TTC27: variants seen among roughly 807,000 people sequenced by gnomAD.
TTC27 encodes the protein tetratricopeptide repeat domain 27, also known as tetratricopeptide repeat protein 27.
A neutral mutation model predicts 115.9 loss-of-function variants in TTC27; 79 were observed. That is an observed-to-expected ratio of 0.68 (90% CI 0.57 to 0.82). The LOEUF is 0.82. TTC27 is among the 40% of genes least tolerant of loss of function. The pLI is 0.00. For missense variants in TTC27, 1,054 were observed against 993.1 expected (o/e 1.06, Z -0.82); for synonymous variants, 401 against 356.0 (o/e 1.13, Z -1.42).
intron 12 of TTC27, among the ~76,000 whole-genome samples, chr2:32,753,650 G>A (rs1669097646): frequency 6.6e-6 from 1 of 151,902 alleles, no homozygotes; most frequent in African/African-American, 2.4e-5. Flanking sequence ...TTTCACTATG[G>A]TGGCCAGGCT....
At chr2:32,657,594 C>T (rs1340595460) in intron 5 of TTC27, among the ~76,000 whole-genome samples, 1 of 152,026 alleles carries the variant, frequency 6.6e-6, no homozygotes, top group Non-Finnish European at 1.5e-5. Flanking sequence ...TTTCAGTTCA[C>T]GTAAAGACAA....
chr2:32,787,289 C>A, intron 16 of TTC27, 140 bp downstream of exon 16: 3 of 897,094 alleles, frequency 3.3e-6, no homozygotes, highest in Non-Finnish European at 4.9e-6. Context: ...TTTTTCTAGT[C>A]AAATATTCTT....
chr2:32,699,179 G>A (rs1377236604), intron 9 of TTC27, among the ~76,000 whole-genome samples: 1 of 152,174 alleles, frequency 6.6e-6, no homozygotes, highest in African/African-American at 2.4e-5. Flanking sequence ...TGGGACTTCT[G>A]CCCTGGAGGA....
Position 32,820,851 on chromosome 2 carries a change from C to T in TTC27, c.2445C>T (p.Ser815=). Reference sequence around the variant, plus strand: ...CAGATGTGGCAACTGGAGAAATGTCCAGGGAATTAGCTGATGACATAACAG... The same window carrying T: ...CAGATGTGGCAACTGGAGAAATGTCTAGGGAATTAGCTGATGACATAACAG... The part of the protein sequence containing the change: ...LFTDVATGEM[S]RELADDITAM... The change falls in exon 20 of 20, where the codon TCC becomes TCT. Residue 815 remains serine (S), a synonymous_variant. Transcript: ENST00000317907. The T allele has an allele frequency of 1.3e-6, 2 of 1,541,042 alleles. No homozygotes were observed. Among genetic ancestry groups the T allele is most frequent in the Non-Finnish European group, 1.8e-6 (2 of 1,140,300 alleles).
intron 12 of TTC27, among the ~76,000 whole-genome samples, chr2:32,737,928 A>G (rs561683287): frequency 2.0e-4 from 30 of 152,254 alleles, no homozygotes; most frequent in African/African-American, 7.0e-4. Context: ...AGGGAGGATG[A>G]TCACTTGGGC....
chr2:32,759,060 A>G (rs1000568081), intron 13 of TTC27, among the ~76,000 whole-genome samples: 11 of 152,242 alleles, frequency 7.2e-5, no homozygotes, highest in South Asian at 2.1e-4. Context: ...ACTAAGTGAC[A>G]TGATAAATCC....
chr2:32,721,657 G>C (rs1259859236), intron 10 of TTC27, among the ~76,000 whole-genome samples: 1 of 138,262 alleles, frequency 7.2e-6, no homozygotes, highest in Non-Finnish European at 1.5e-5. Flanking sequence ...GCAGAGTCTT[G>C]CTGTGTCACC....
intron 10 of TTC27, among the ~76,000 whole-genome samples, chr2:32,732,685 G>A (rs1053982685): frequency 2.6e-5 from 4 of 152,152 alleles, no homozygotes; most frequent in African/African-American, 9.7e-5. Flanking sequence ...CAGTGCAACT[G>A]TCTTTTGCAT....
chr2:32,680,071 A>G (rs962809772), intron 9 of TTC27, among the ~76,000 whole-genome samples: 1 of 152,134 alleles, frequency 6.6e-6, no homozygotes, highest in African/African-American at 2.4e-5. Context: ...ACTATTTCCT[A>G]CATACCCTGT....
intron 10 of TTC27, among the ~76,000 whole-genome samples, chr2:32,716,235 T>C (rs1403769464): frequency 1.3e-5 from 2 of 152,234 alleles, no homozygotes; most frequent in Non-Finnish European, 2.9e-5. Context: ...ATCTAGCTCA[T>C]TCATTCCAGC....
Position 32,787,139 on chromosome 2 carries a change from A to C in TTC27, c.1988A>C (p.Lys663Thr). The change falls in exon 16 of 20, where the codon AAA (lysine) becomes ACA (threonine). Residue 663 changes from lysine to threonine, a missense_variant. By Grantham distance (78) the Lys-to-Thr change is moderately conservative (BLOSUM62 -1). Transcript: ENST00000317907. ...CTCTTGGACTTACGTGACAAATACA[A>C]AGATGTTCAGGTAGGATATTCCTAT... ...HRLLDLRDKY[K>T]DVQVLKILVR... is the part of the protein sequence containing the mutation. 6.2e-7 allele frequency: 1 copy of C among 1,611,976 alleles called. No homozygotes were observed. Among genetic ancestry groups the C allele is most frequent in the Non-Finnish European group, 8.5e-7 (1 of 1,179,546 alleles).
chr2:32,746,232 T>A (rs1218599025), intron 12 of TTC27, among the ~76,000 whole-genome samples: 1 of 152,092 alleles, frequency 6.6e-6, no homozygotes, highest in African/African-American at 2.4e-5. Context: ...TTATTTTTAA[T>A]AGACATTTAG....
chr2:32,729,692 G>A (rs1668227281), intron 10 of TTC27, among the ~76,000 whole-genome samples: 1 of 151,814 alleles, frequency 6.6e-6, no homozygotes, highest in African/African-American at 2.4e-5. Context: ...CGCCCCAGGG[G>A]CCTCCTCTCT....
In TTC27 at chr2:32,754,014, G is replaced by A. The variant is rs185077903; in HGVS notation, c.1453-4278G>A. On this transcript the variant is annotated intron_variant, in intron 12 of 19. Transcript: ENST00000317907. The stretch of plus-strand genomic sequence containing the variant: ...CGCTTGAACCTGGGAGGTGGAGGTT[G>A]CAGTGAGCAGATCATGCCACTGCAC... 8.3e-3 allele frequency among the ~76,000 whole-genome samples: 1,269 copies of A among 152,130 alleles called. 12 individuals are homozygous for A. The highest frequency in any genetic ancestry group is 0.016 in the Non-Finnish European group (1,059 of 67,996).
chr2:32,643,716 T>G (rs1049189608), intron 4 of TTC27, among the ~76,000 whole-genome samples: 1 of 152,118 alleles, frequency 6.6e-6, no homozygotes, highest in Non-Finnish European at 1.5e-5. Flanking sequence ...GTTTTTAAGT[T>G]GCTCAAAAGT....
chr2:32,730,783 G>A (rs574686446), intron 10 of TTC27, among the ~76,000 whole-genome samples: 30 of 151,902 alleles, frequency 2.0e-4, no homozygotes, highest in South Asian at 8.3e-4. Context: ...CACCACACCC[G>A]GCTGATTTTT....
At chr2:32,767,594 T>C (rs1006149192) in intron 13 of TTC27, among the ~76,000 whole-genome samples, 4 of 151,484 alleles carry the variant, frequency 2.6e-5, no homozygotes, top group African/African-American at 9.7e-5. Flanking sequence ...CCCGAGTAGC[T>C]GGGACTACAG....
chr2:32,661,244 C>T (rs1015227770), intron 5 of TTC27, among the ~76,000 whole-genome samples: 1 of 152,144 alleles, frequency 6.6e-6, no homozygotes, highest in Admixed American at 6.6e-5. Context: ...ATTGTCTTGG[C>T]TATACGGGCT....
intron 9 of TTC27, among the ~76,000 whole-genome samples, chr2:32,697,174 A>T (rs1667015878): frequency 6.8e-6 from 1 of 146,574 alleles, no homozygotes; most frequent in African/African-American, 2.5e-5. Flanking sequence ...CTTGGGCAAT[A>T]GAGTGAGACC....
Sources: gnomAD v4.1 joint callset for allele counts (sites outside exome capture counted in the v4.1 genomes callset) on GRCh38, gnomAD v4.1.1 for gene constraint, MANE v1.5 for transcripts, NCBI Gene and HGNC (gene_info 2026-07-23, HGNC 2026-07-21) for gene names.